Variants in CTNNA2 observed in about 807,000 individuals in gnomAD.
CTNNA2 encodes catenin alpha 2, also known as catenin alpha-2.
CTNNA2 carries 42 observed loss-of-function variants against 101.0 expected under a neutral mutation model. The ratio of observed to expected loss-of-function variants is 0.42; its 90% CI spans 0.32 to 0.54. The LOEUF is 0.54. CTNNA2 is among the 20% of genes least tolerant of loss of function. CTNNA2 has a pLI of 0.14. For synonymous variants in CTNNA2, 450 were observed against 456.4 expected (o/e 0.99, Z 0.18); for missense variants, 871 against 1,223.1 (o/e 0.71, Z 4.29).
At chr2:79,404,278 T>A (rs4852148) in intron 4 of CTNNA2, among the ~76,000 whole-genome samples, 1 of 151,786 alleles carries the variant, frequency 6.6e-6, no homozygotes, top group African/African-American at 2.4e-5. Context: ...GATGGTAAAA[T>A]TATATTCTAC....
chr2:79,592,499 A>G (rs1676928506), intron 1 of CTNNA2, among the ~76,000 whole-genome samples: 2 of 151,972 alleles, frequency 1.3e-5, no homozygotes, highest in Admixed American at 6.6e-5. Context: ...TTCATTTTTT[A>G]TAGTGAAATT....
intron 3 of CTNNA2, among the ~76,000 whole-genome samples, chr2:79,366,343 G>T (rs542041729): frequency 1.3e-5 from 2 of 152,172 alleles, no homozygotes; most frequent in Admixed American, 1.3e-4. Context: ...AACACAGGCC[G>T]GCTAGGAACA....
At chr2:80,437,178 G>A (rs571025370) in intron 9 of CTNNA2, among the ~76,000 whole-genome samples, 1 of 152,270 alleles carries the variant, frequency 6.6e-6, no homozygotes, top group African/African-American at 2.4e-5. Flanking sequence ...GGAACTGTGA[G>A]CCATAAATTT....
chr2:79,753,594 G>T (rs1672189825), intron 3 of CTNNA2, among the ~76,000 whole-genome samples: 2 of 152,114 alleles, frequency 1.3e-5, no homozygotes, highest in African/African-American at 2.4e-5. Flanking sequence ...AATCCAAACA[G>T]CTAAGATATG....
At chr2:80,154,323 A>G (rs1019730453) in intron 7 of CTNNA2, among the ~76,000 whole-genome samples, 1 of 152,112 alleles carries the variant, frequency 6.6e-6, no homozygotes, top group African/African-American at 2.4e-5. Context: ...CCGTTGGTTT[A>G]ATTAGAAGAG....
chr2:80,529,255 C>G (rs192678781), intron 9 of CTNNA2, among the ~76,000 whole-genome samples: 1 of 152,092 alleles, frequency 6.6e-6, no homozygotes, highest in African/African-American at 2.4e-5. Flanking sequence ...GTGTTTTAAC[C>G]GCCCTTTATA....
At chr2:79,192,586 A>G (rs1463072485) in intron 1 of CTNNA2, among the ~76,000 whole-genome samples, 1 of 152,212 alleles carries the variant, frequency 6.6e-6, no homozygotes, top group Non-Finnish European at 1.5e-5. Context: ...TTGAGATAGC[A>G]AAATATAAGA....
At chr2:79,319,449 AG>A (rs1290457798) in intron 3 of CTNNA2, among the ~76,000 whole-genome samples, 1 of 152,140 alleles carries the variant, frequency 6.6e-6, no homozygotes, top group Non-Finnish European at 1.5e-5. Context: ...CTCATTCTGA[AG>A]ACCTTAGGAC....
intron 9 of CTNNA2, among the ~76,000 whole-genome samples, chr2:80,506,523 A>C (rs1688293035): frequency 1.3e-5 from 2 of 152,124 alleles, no homozygotes; most frequent in Admixed American, 6.6e-5. Flanking sequence ...ATTTAAAGGA[A>C]TTTAAATTGG....
intron 1 of CTNNA2, among the ~76,000 whole-genome samples, chr2:79,607,388 C>A (rs1677964081): frequency 6.6e-6 from 1 of 152,134 alleles, no homozygotes; most frequent in Non-Finnish European, 1.5e-5. Flanking sequence ...TGAACAATGC[C>A]ATCAGCTAAC....
intron 8 of CTNNA2, among the ~76,000 whole-genome samples, chr2:80,393,862 C>T (rs112699485): frequency 0.022 from 3,385 of 152,222 alleles, 72 homozygotes; most frequent in African/African-American, 0.054. Flanking sequence ...GAGAAATCTC[C>T]GGTCAGGGCC....
In CTNNA2 at chr2:80,578,411, C is replaced by T. The variant is rs1446122006; in HGVS notation, c.1894-3295C>T. The stretch of plus-strand genomic sequence containing the variant: ...CACTATCTAATGATAGAAGCGTAAT[C>T]TTCCTGGGCCCATTTGCAGACCCTC... On this transcript the variant is annotated intron_variant, in intron 13 of 18. Coordinates refer to ENST00000402739, the MANE Select transcript of CTNNA2 (RefSeq NM_001282597.3). Among the ~76,000 whole-genome samples the T allele has an allele frequency of 2.0e-5, 3 of 152,152 alleles. No individual in the cohort carries two copies. The East Asian group carries it at 5.8e-4, about 29-fold the overall frequency.
intron 7 of CTNNA2, among the ~76,000 whole-genome samples, chr2:79,915,364 CAT>C (rs34891169): frequency 0.59 from 89,167 of 151,646 alleles, 26,404 homozygotes; most frequent in East Asian, 0.78. Context: ...AAAATGGACT[CAT>C]ATTGTAAATG....
intron 3 of CTNNA2, among the ~76,000 whole-genome samples, chr2:79,832,114 C>G (rs1345805980): frequency 6.6e-6 from 1 of 151,982 alleles, no homozygotes; most frequent in Non-Finnish European, 1.5e-5. Context: ...TGTGAGATAC[C>G]CCCAACTTCA....
At chr2:80,330,220 A>C (rs1426704714) in intron 7 of CTNNA2, among the ~76,000 whole-genome samples, 1 of 152,254 alleles carries the variant, frequency 6.6e-6, no homozygotes, top group African/African-American at 2.4e-5. Context: ...AAGGTTTTAC[A>C]TATGTTCACT....
chr2:79,225,979 TA>T (rs1291116703), intron 2 of CTNNA2, among the ~76,000 whole-genome samples: 2 of 152,176 alleles, frequency 1.3e-5, no homozygotes, highest in Non-Finnish European at 2.9e-5. Context: ...CCACAAAATT[TA>T]AACCAACATC....
At chr2:80,052,473 G>A (rs971145398) in intron 7 of CTNNA2, among the ~76,000 whole-genome samples, 10 of 152,214 alleles carry the variant, frequency 6.6e-5, no homozygotes, top group Admixed American at 6.5e-4. Flanking sequence ...TTCACTCTGT[G>A]ATTTGTTGCT....
chr2:80,191,600 A>C (rs1458395840), intron 7 of CTNNA2, among the ~76,000 whole-genome samples: 1 of 152,196 alleles, frequency 6.6e-6, no homozygotes, highest in Non-Finnish European at 1.5e-5. Flanking sequence ...ACTCAACTTC[A>C]GATGTAGTCT....
At chr2:80,300,285 T>TAA (rs1676155038) in intron 7 of CTNNA2, among the ~76,000 whole-genome samples, 1 of 14,280 alleles carries the variant, frequency 7.0e-5, no homozygotes. Flanking sequence ...TGTTGGGGTG[T>TAA]GTGTGTGTGT....
Sources: gnomAD v4.1 joint callset for allele counts (sites outside exome capture counted in the v4.1 genomes callset) on GRCh38, gnomAD v4.1.1 for gene constraint, MANE v1.5 for transcripts, NCBI Gene and HGNC (gene_info 2026-07-23, HGNC 2026-07-21) for gene names.